CD36: variants seen among roughly 807,000 people sequenced by gnomAD.
CD36 encodes platelet glycoprotein 4.
CD36 carries 119 observed loss-of-function variants against 55.2 expected under a neutral mutation model. The ratio of observed to expected loss-of-function variants is 2.15; its 90% CI spans 1.86 to 2.51. The LOEUF (loss-of-function observed/expected upper bound fraction) is 2.51. CD36 is among the 30% of genes most tolerant of loss of function. The pLI is 0.00. For missense variants in CD36, 819 were observed against 555.5 expected (o/e 1.47, Z -4.77); for synonymous variants, 186 against 193.6 (o/e 0.96, Z 0.33).
In CD36 at chr7:80,670,274, G is replaced by A. The variant is rs3211934; in HGVS notation, c.818+252G>A. The A allele has an allele frequency of 5.7e-3, 2,731 of 475,886 alleles. 78 individuals carry two copies. The highest frequency in any genetic ancestry group is 0.049 in the African/African-American group (2,468 of 50,836). 29.5% of individuals were successfully genotyped at this position (475,886 alleles called of 1,614,324 possible). ...TATTAACGATCAAGTCCAGAAGGGC[G>A]TGCCCAATCTTTCTAAAGACATACA... is the stretch of plus-strand genomic sequence containing the variant. On this transcript the variant is annotated intron_variant, in intron 9 of 14. Transcript: ENST00000447544.
At chr7:80,622,543 AC>A (rs1433160104) in intron 1 of CD36, among the ~76,000 whole-genome samples, 2 of 152,282 alleles carry the variant, frequency 1.3e-5, no homozygotes, top group African/African-American at 4.8e-5. Context: ...TATTCTAGTT[AC>A]ATTTTTAAAA....
At chr7:80,670,178 AATT>A in intron 9 of CD36, 156 bp downstream of exon 9, 2 of 628,904 alleles carry the variant, frequency 3.2e-6, no homozygotes, top group African/African-American at 1.9e-5. Context: ...TAATAGTACA[AATT>A]TTTTTTTTTT....
intron 1 of CD36, among the ~76,000 whole-genome samples, chr7:80,608,150 G>A (rs1194016336): frequency 6.6e-6 from 1 of 152,066 alleles, no homozygotes; most frequent in Non-Finnish European, 1.5e-5. Context: ...TACTAGGCTT[G>A]AATTTATCCC....
chr7:80,654,794 T>G (rs1795916540), intron 3 of CD36, among the ~76,000 whole-genome samples: 1 of 152,022 alleles, frequency 6.6e-6, no homozygotes. Context: ...AGGAATTCGC[T>G]TATTCCCTAC....
Position 80,671,041 on chromosome 7 carries a change from C to G in CD36, c.883C>G (p.Leu295Val). The G allele has an allele frequency of 1.2e-6, 2 of 1,612,848 alleles. No individual in the cohort carries two copies. The highest frequency in any genetic ancestry group is 1.7e-6 in the Non-Finnish European group (2 of 1,178,964). The change falls in exon 10 of 15, where the codon CTT (leucine) becomes GTT (valine). Residue 295 changes from leucine (L) to valine (V), a missense_variant. Coordinates refer to ENST00000447544, the MANE Select transcript of CD36 (RefSeq NM_001001548.3). ...LKGIPVYRFV[L>V]PSKAFASPVE... ...AGGAATCCCTGTGTATAGATTTGTT[C>G]TTCCATCCAAGGCCTTTGCCTCTCC...
At chr7:80,674,988 G>A (rs1304079139) in intron 14 of CD36, among the ~76,000 whole-genome samples, 1 of 152,062 alleles carries the variant, frequency 6.6e-6, no homozygotes, top group Non-Finnish European at 1.5e-5. Context: ...TTCTAGAGAT[G>A]TTCCATGAAA....
chr7:80,615,649 T>A (rs1284018233), intron 1 of CD36, among the ~76,000 whole-genome samples: 1 of 152,218 alleles, frequency 6.6e-6, no homozygotes, highest in Admixed American at 6.5e-5. Flanking sequence ...GGAGTATGAT[T>A]AAAGGTCAGT....
At chr7:80,641,309 T>C (rs951235277) in intron 1 of CD36, among the ~76,000 whole-genome samples, 3 of 152,116 alleles carry the variant, frequency 2.0e-5, no homozygotes, top group Non-Finnish European at 2.9e-5. Flanking sequence ...TCTACATTTT[T>C]ACTCATGTAT....
chr7:80,646,693 T>G lies in CD36; in HGVS notation c.-48T>G, dbSNP rs1286663956. ...AACCACTTTAATCATATCCAGGAGT[T>G]TGCAAGAAACAGGTGCTTAACACTA... On this transcript the variant is annotated 5_prime_UTR_variant, in exon 3 of 15. Transcript: ENST00000447544. 1.9e-6 allele frequency: 3 copies of G among 1,612,606 alleles called. No individual in the cohort carries two copies. In the African/African-American group the frequency reaches 4.0e-5, roughly 22 times the overall value.
At chr7:80,626,543 G>C (rs1273155119) in intron 1 of CD36, among the ~76,000 whole-genome samples, 1 of 151,876 alleles carries the variant, frequency 6.6e-6, no homozygotes, top group Non-Finnish European at 1.5e-5. Context: ...TGCAAATTTA[G>C]CTTTAATACT....
At chr7:80,672,145 T>C (rs1387712036) in intron 11 of CD36, 105 bp downstream of exon 11, 1 of 954,706 alleles carries the variant, frequency 1.0e-6, no homozygotes, top group Non-Finnish European at 1.6e-6. Context: ...TAATCATATT[T>C]ATTGAATCAC....
At chr7:80,613,442 T>C (rs1464472119) in intron 1 of CD36, among the ~76,000 whole-genome samples, 2 of 152,128 alleles carry the variant, frequency 1.3e-5, no homozygotes, top group Non-Finnish European at 2.9e-5. Flanking sequence ...TTAGTTACTC[T>C]TGAAGATATC....
chr7:80,660,229 T>C lies in CD36; in HGVS notation c.282-834T>C, dbSNP rs148777019. On this transcript the variant is annotated intron_variant, in intron 4 of 14. Transcript: ENST00000447544. The stretch of plus-strand genomic sequence containing the variant: ...CCTGTAATAATCACCCTTCACCGCG[T>C]TCCTAAAATGTAGTTGGTACTTTGC... 3.3e-5 allele frequency among the ~76,000 whole-genome samples: 5 copies of C among 152,288 alleles called. No homozygotes were observed. The East Asian group carries it at 9.6e-4, about 29-fold the overall frequency.
intron 3 of CD36, among the ~76,000 whole-genome samples, chr7:80,649,418 C>A (rs1420626571): frequency 1.3e-5 from 2 of 151,906 alleles, no homozygotes; most frequent in African/African-American, 4.8e-5. Flanking sequence ...ATAAGATTCC[C>A]TTTTAGAAAG....
chr7:80,605,907 G>C (rs1323166111), intron 1 of CD36, among the ~76,000 whole-genome samples: 1 of 152,028 alleles, frequency 6.6e-6, no homozygotes, highest in African/African-American at 2.4e-5. Context: ...AATATACAGG[G>C]ATAAGAGCAT....
intron 1 of CD36, among the ~76,000 whole-genome samples, chr7:80,615,150 ATACAAGTTT>A (rs1224069274): frequency 6.6e-6 from 1 of 152,184 alleles, no homozygotes; most frequent in Non-Finnish European, 1.5e-5. Context: ...ATCAGGCTGA[ATACAAGTTT>A]TAGTTCAGGG....
In CD36 at chr7:80,607,827, G is replaced by T. The variant is rs116228695; in HGVS notation, c.-184+5448G>T. ...CACTCTGTCGCCCAGGCTGGAGTACGGTGGTGCAATTTCGGCTCACTGCAA... is the reference window on the plus strand; with the variant it reads ...CACTCTGTCGCCCAGGCTGGAGTACTGTGGTGCAATTTCGGCTCACTGCAA... On this transcript the variant is annotated intron_variant, in intron 1 of 13. Transcript: ENST00000309881. 7.4e-3 allele frequency among the ~76,000 whole-genome samples: 1,125 copies of T among 152,066 alleles called. 12 individuals are homozygous for T. Among genetic ancestry groups the T allele is most frequent in the African/African-American group, 0.026 (1,065 of 41,470 alleles).
intron 3 of CD36, among the ~76,000 whole-genome samples, chr7:80,652,785 A>G (rs2116510732): frequency 6.6e-6 from 1 of 152,308 alleles, no homozygotes; most frequent in South Asian, 2.1e-4. Flanking sequence ...AGTAAATGGT[A>G]TTAGAGTTCT....
At chr7:80,661,033 T>G in intron 4 of CD36, 30 bp from the exon 5 acceptor site, 1 of 1,550,964 alleles carries the variant, frequency 6.4e-7, no homozygotes, top group Non-Finnish European at 8.9e-7. Context: ...TGACAAATGT[T>G]TTGAATTTTG....
Sources: gnomAD v4.1 joint callset for allele counts (sites outside exome capture counted in the v4.1 genomes callset) on GRCh38, gnomAD v4.1.1 for gene constraint, MANE v1.5 for transcripts, NCBI Gene and HGNC (gene_info 2026-07-23, HGNC 2026-07-21) for gene names.